The following NBL1 variants were observed in gnomAD, a reference collection of about 807,000 sequenced individuals.
NBL1 encodes neuroblastoma suppressor of tumorigenicity 1.
A neutral mutation model predicts 16.0 loss-of-function variants in NBL1; 9 were observed. The observed-to-expected ratio is 0.56, with a 90% CI of 0.34 to 0.98. NBL1 has a LOEUF of 0.98. Ranked by LOEUF, NBL1 falls within the 50% of genes least tolerant of loss-of-function variation. NBL1 has a pLI of 0.02. For missense variants in NBL1, 196 were observed against 243.1 expected, an observed-to-expected ratio of 0.81 and a Z score of 1.29; for synonymous variants, 86 against 100.7, an observed-to-expected ratio of 0.85 and a Z score of 0.87.
intron 1 of NBL1, chr1:19,645,333 A>C (rs2094972115): frequency 9.1e-6 from 9 of 984,676 alleles, no homozygotes; most frequent in Non-Finnish European, 1.1e-5. Context: ...GCTGCGGGCC[A>C]CCTGCCCGGC....
rs2100454483 is a variant in NBL1, at chr1:19,657,391, G to A, written c.*262G>A. ...TTTTTGGGGGGGGTGGTCTCTTCCT[G>A]TCTGGCTTCTAGAGATGTGCCTGTG... On this transcript the variant is annotated 3_prime_UTR_variant, in exon 4 of 4. Transcript: ENST00000375136. 1 of 232,096 alleles carries A rather than the reference G, an allele frequency of 4.3e-6. No homozygotes were observed. Among genetic ancestry groups the A allele is most frequent in the South Asian group, 1.4e-4 (1 of 6,922 alleles). The allele number at this position is 232,096 out of a possible 1,614,324, so 14.4% of individuals were successfully genotyped here. A position where few individuals can be genotyped will look rare whatever the true frequency, so the allele number is the denominator to read the frequency against.
intron 2 of NBL1, 26 bp from the exon 3 acceptor site, chr1:19,655,298 A>ATGGTGACCTCTCCTG (rs1558367089): frequency 1.2e-6 from 2 of 1,613,364 alleles, no homozygotes; most frequent in South Asian, 2.2e-5. Flanking sequence ...ACAGTGACAC[A>ATGGTGACCTCTCCTG]GGCATGGTGA....
intron 1 of NBL1, among the ~76,000 whole-genome samples, chr1:19,652,728 C>G (rs1478463998): frequency 2.6e-5 from 4 of 152,220 alleles, no homozygotes; most frequent in Non-Finnish European, 5.9e-5. Flanking sequence ...TGGCTCACAC[C>G]TGTAATCCCA....
chr1:19,644,476 G>A lies in NBL1; in HGVS notation c.-20+30G>A. ...GTCCCGCCCGGGTCGGCACGCGGGC[G>A]CCCGGCTTCCAGAGGCTTCGGCCGC... On this transcript the variant is annotated intron_variant, in intron 1 of 3. Coordinates refer to ENST00000375136, the MANE Select transcript of NBL1 (RefSeq NM_005380.8). This position sits in a 1 kb window ranked among gnomAD's most constrained non-coding sequence, Gnocchi z 4.6. 9.2e-6 allele frequency: 9 copies of A among 977,456 alleles called. No homozygotes were observed. Among genetic ancestry groups the A allele is most frequent in the Non-Finnish European group, 1.1e-5 (9 of 825,670 alleles). 60.5% of individuals were successfully genotyped at this position (977,456 alleles called of 1,614,324 possible).
chr1:19,653,889 A>G (rs1479440255), intron 1 of NBL1, among the ~76,000 whole-genome samples: 2 of 152,160 alleles, frequency 1.3e-5, no homozygotes, highest in African/African-American at 4.8e-5. Flanking sequence ...AGATCCTGGT[A>G]TTGTTTTAGT....
chr1:19,654,985 T>TCACCTGG, intron 1 of NBL1, 27 bp from the exon 2 acceptor site: 3 of 1,537,718 alleles, frequency 2.0e-6, no homozygotes, highest in Non-Finnish European at 2.6e-6. Flanking sequence ...TTGCTGTGCC[T>TCACCTGG]CACCTGGCAC....
chr1:19,644,377 G>T lies in NBL1; in HGVS notation c.-89G>T. 3.1e-6 allele frequency: 3 copies of T among 978,510 alleles called. No homozygotes were observed. The highest frequency in any genetic ancestry group is 3.6e-6 in the Non-Finnish European group (3 of 827,092). The allele number at this position is 978,510 out of a possible 1,614,324, so 60.6% of individuals were successfully genotyped here. ...CGCCCCCCGCCCTGCCGGCCGCCTCGCCGAGCCTCCTGGGGCGCCCGGGCC... is the reference window on the plus strand; with the variant it reads ...CGCCCCCCGCCCTGCCGGCCGCCTCTCCGAGCCTCCTGGGGCGCCCGGGCC... On this transcript the variant is annotated 5_prime_UTR_variant, in exon 1 of 4. Transcript: ENST00000375136. The surrounding 1 kb of genome is among the most constrained non-coding windows in gnomAD (Gnocchi z 4.6).
intron 3 of NBL1, 82 bp from the exon 4 acceptor site, chr1:19,656,784 T>C: frequency 1.4e-6 from 2 of 1,480,710 alleles, no homozygotes; most frequent in Non-Finnish European, 1.8e-6. Context: ...CTTGATCCCA[T>C]GAGGAAGTAT....
At chr1:19,647,633 A>G (rs781559550) in intron 1 of NBL1, 401 of 985,358 alleles carry the variant, frequency 4.1e-4, no homozygotes, top group Non-Finnish European at 4.7e-4. Context: ...CTCGTTGTGC[A>G]TGCGGACTGT....
chr1:19,645,042 C>G (rs1329843703), intron 1 of NBL1, among the ~76,000 whole-genome samples: 1 of 152,218 alleles, frequency 6.6e-6, no homozygotes, highest in Non-Finnish European at 1.5e-5. Context: ...TCTGCGCTGC[C>G]CTCTGTGGGG....
rs1463893156 is a variant in NBL1, at chr1:19,644,411, C to A, written c.-55C>A. On this transcript the variant is annotated 5_prime_UTR_variant, in exon 1 of 4. Transcript: ENST00000375136. The surrounding 1 kb of genome is among the most constrained non-coding windows in gnomAD (Gnocchi z 4.6). Reference sequence around the variant, plus strand: ...CCTGGGGCGCCCGGGCCCGCGACCCCCGCACCCAGCTCCGCAGGACCGGCG... The same window carrying A: ...CCTGGGGCGCCCGGGCCCGCGACCCACGCACCCAGCTCCGCAGGACCGGCG... The A allele has an allele frequency of 3.6e-5, 35 of 979,154 alleles. No individual in the cohort carries two copies. The South Asian group carries it at 1.4e-3, about 39-fold the overall frequency. 60.7% of individuals were successfully genotyped at this position (979,154 alleles called of 1,614,324 possible).
Position 19,656,872 on chromosome 1 carries a change from C to T in NBL1, c.289C>T (p.Leu97=), listed in dbSNP as rs1247760791. 1 of 1,610,120 alleles carries T rather than the reference C, an allele frequency of 6.2e-7. No homozygotes were observed. The highest frequency in any genetic ancestry group is 1.1e-5 in the South Asian group (1 of 90,858). The change falls in exon 4 of 4, where the codon CTG becomes TTG. Residue 97 remains leucine, a synonymous_variant. Transcript: ENST00000375136. ...PAQSMWEIVT[L]ECPGHEEVPR... The stretch of plus-strand genomic sequence containing the variant: ...TCTCTCTTGCCCTCTGCAGGTGACG[C>T]TGGAGTGCCCGGGCCACGAGGAGGT...
chr1:19,644,052 C>A (rs1445836931), upstream of NBL1: 4 of 978,136 alleles, frequency 4.1e-6, no homozygotes, highest in Non-Finnish European at 3.6e-6. This position sits in a 1 kb window ranked among gnomAD's most constrained non-coding sequence, Gnocchi z 4.6. Flanking sequence ...GCCTCTCGGG[C>A]GCCGGCCAGG....
At position 19,644,358 on chromosome 1, in the gene NBL1, C is replaced by G. The variant is rs1339918838; in HGVS notation, c.-108C>G. 1.0e-6 allele frequency: 1 copy of G among 978,492 alleles called. No homozygotes were observed. The highest frequency in any genetic ancestry group is 4.7e-5 in the South Asian group (1 of 21,274). 60.6% of individuals were successfully genotyped at this position (978,492 alleles called of 1,614,324 possible). On this transcript the variant is annotated 5_prime_UTR_variant, in exon 1 of 4. Transcript: ENST00000375136. The surrounding 1 kb of genome is among the most constrained non-coding windows in gnomAD (Gnocchi z 4.6). ...CAGCCGAGCGTCGCGGGGCCGCCCC[C>G]CGCCCTGCCGGCCGCCTCGCCGAGC...
intron 1 of NBL1, 136 bp from the exon 2 acceptor site, chr1:19,654,876 C>A (rs941792480): frequency 1.0e-4 from 123 of 1,176,548 alleles, no homozygotes; most frequent in Non-Finnish European, 1.3e-4. Flanking sequence ...ATAACTTGTC[C>A]AAAGTTGCAC....
chr1:19,650,009 T>C (rs1375829624), intron 1 of NBL1, among the ~76,000 whole-genome samples: 1 of 149,632 alleles, frequency 6.7e-6, no homozygotes, highest in African/African-American at 2.5e-5. Flanking sequence ...GAGTCTCGCT[T>C]TGTCGCCCAG....
In NBL1 at chr1:19,644,541, C is replaced by T. The variant is rs992363445; in HGVS notation, c.-20+95C>T. The T allele has an allele frequency of 7.6e-5, 55 of 720,414 alleles. No homozygotes were observed. The Admixed American group carries it at 2.1e-3, about 28-fold the overall frequency. 44.6% of individuals were successfully genotyped at this position (720,414 alleles called of 1,614,324 possible). A position where few individuals can be genotyped will look rare whatever the true frequency, so the allele number is the denominator to read the frequency against. Reference sequence around the variant, plus strand: ...GCCCCCAGCCCGGAGCTGCGTCCCCCGGCGCGTCCGGCGGCCGCGGGCACC... The same window carrying T: ...GCCCCCAGCCCGGAGCTGCGTCCCCTGGCGCGTCCGGCGGCCGCGGGCACC... On this transcript the variant is annotated intron_variant, in intron 1 of 3. Coordinates refer to ENST00000375136, the MANE Select transcript of NBL1 (RefSeq NM_005380.8). This position sits in a 1 kb window ranked among gnomAD's most constrained non-coding sequence, Gnocchi z 4.6.
rs943305906 is a variant in NBL1, at chr1:19,644,842, C to T, written c.-20+396C>T. The stretch of plus-strand genomic sequence containing the variant: ...CCTCGCCGCGCCGCGCCTCTCGGCT[C>T]TGGACGTTTCCGCCTCCCGCGGCCC... On this transcript the variant is annotated intron_variant, in intron 1 of 3. Transcript: ENST00000375136. This position sits in a 1 kb window ranked among gnomAD's most constrained non-coding sequence, Gnocchi z 4.6. Among the ~76,000 whole-genome samples the T allele has an allele frequency of 1.3e-5, 2 of 152,086 alleles. No homozygotes were observed. Among genetic ancestry groups the T allele is most frequent in the Non-Finnish European group, 2.9e-5 (2 of 67,986 alleles).
Position 19,656,647 on chromosome 1 carries a change from G to T in NBL1, c.283-219G>T, listed in dbSNP as rs112363848. 1.2e-3 allele frequency among the ~76,000 whole-genome samples: 181 copies of T among 152,182 alleles called. 1 individual carries two copies. Among genetic ancestry groups the T allele is most frequent in the African/African-American group, 4.2e-3 (173 of 41,514 alleles). The stretch of plus-strand genomic sequence containing the variant: ...AGGCCACACTGGTGGCTGCTGGTGG[G>T]GAATGGGTGGGAAGGTGGCAGGACT... On this transcript the variant is annotated intron_variant, in intron 3 of 3. Coordinates refer to ENST00000375136, the MANE Select transcript of NBL1 (RefSeq NM_005380.8).
Sources: allele counts gnomAD v4.1 joint callset (sites outside exome capture counted in the v4.1 genomes callset), GRCh38; gene constraint gnomAD v4.1.1; non-coding constraint Gnocchi (gnomAD v3.1); transcripts MANE v1.5; gene names NCBI Gene and HGNC (gene_info 2026-07-23, HGNC 2026-07-21).